Variants in CENPK observed in about 807,000 individuals in gnomAD.
CENPK encodes centromere protein K, also known as SoxLZ/Sox6-binding protein Solt.
CENPK carries 46 observed loss-of-function variants against 40.9 expected under a neutral mutation model. The ratio of observed to expected loss-of-function variants is 1.13; its 90% CI spans 0.89 to 1.44. The LOEUF (loss-of-function observed/expected upper bound fraction) is 1.44. Ranked by LOEUF, CENPK falls within the 40% of genes most tolerant of loss-of-function variation. CENPK has a pLI of 0.00. For synonymous variants in CENPK, 107 were observed against 104.4 expected, an observed-to-expected ratio of 1.02 and a Z score of -0.15; for missense variants, 288 against 303.5, an observed-to-expected ratio of 0.95 and a Z score of 0.38.
At chr5:65,561,896 T>G (rs1456928254) in intron 1 of CENPK, among the ~76,000 whole-genome samples, 3 of 152,216 alleles carry the variant, frequency 2.0e-5, no homozygotes, top group Non-Finnish European at 4.4e-5. Flanking sequence ...TGTGTGCCAT[T>G]GGTCAGACAC....
intron 9 of CENPK, 49 bp from the exon 10 acceptor site, chr5:65,521,577 A>G: frequency 8.4e-7 from 1 of 1,196,362 alleles, no homozygotes; most frequent in Non-Finnish European, 1.2e-6. Flanking sequence ...ACTTCTGCCA[A>G]TGGTGAAATA....
chr5:65,529,451 G>A, intron 6 of CENPK: 1 of 351,146 alleles, frequency 2.8e-6, no homozygotes, highest in Non-Finnish European at 5.1e-6. Flanking sequence ...GCAAAATAAT[G>A]GTGTGTTTTC....
At chr5:65,506,889 G>A in the CENPK span, among the ~76,000 whole-genome samples, 6 of 151,986 alleles carry the variant, frequency 3.9e-5, no homozygotes, top group Non-Finnish European at 5.9e-5. Flanking sequence ...ATTTTATCAA[G>A]ACTAAATAAA....
chr5:65,496,678 T>C, the CENPK span, among the ~76,000 whole-genome samples: 1 of 152,172 alleles, frequency 6.6e-6, no homozygotes, highest in African/African-American at 2.4e-5. Flanking sequence ...TGGTTATCTC[T>C]GGGTGGTGGG....
Position 65,521,514 on chromosome 5 carries a change from T to C in CENPK, c.612A>G (p.Glu204=). 1 of 1,606,278 alleles carries C rather than the reference T, an allele frequency of 6.2e-7. No homozygotes were observed. The highest frequency in any genetic ancestry group is 8.5e-7 in the Non-Finnish European group (1 of 1,174,168). Residue 204 remains glutamate, a synonymous_variant, in exon 10 of 11, where the codon GAA becomes GAG. Coordinates refer to ENST00000396679, the MANE Select transcript of CENPK (RefSeq NM_022145.5). ...SVKKKKKNIQ[E]SSVNLITLHE... ...GCAGTGTTATCAGGTTTACAGATGATTCTTGAATGTTTTTCTTCAAGAGAA... is the reference window on the plus strand; with the variant it reads ...GCAGTGTTATCAGGTTTACAGATGACTCTTGAATGTTTTTCTTCAAGAGAA...
intron 5 of CENPK, chr5:65,551,175 G>C (rs71594468): frequency 2.4e-6 from 1 of 410,734 alleles, no homozygotes; most frequent in East Asian, 9.9e-5. Context: ...ACTTGAACCC[G>C]GGAGATCGGG....
chr5:65,505,155 C>T, the CENPK span, among the ~76,000 whole-genome samples: 1 of 151,940 alleles, frequency 6.6e-6, no homozygotes, highest in East Asian at 1.9e-4. Context: ...CAGGCTACAA[C>T]ATTTATTTTG....
At chr5:65,555,452 G>C (rs1335463681) in intron 2 of CENPK, among the ~76,000 whole-genome samples, 1 of 152,200 alleles carries the variant, frequency 6.6e-6, no homozygotes, top group African/African-American at 2.4e-5. Context: ...GAGACAATAG[G>C]GATGAGATCA....
chr5:65,507,029 A>G, the CENPK span, among the ~76,000 whole-genome samples: 2 of 152,212 alleles, frequency 1.3e-5, no homozygotes, highest in Non-Finnish European at 2.9e-5. Flanking sequence ...CATGTTCCCA[A>G]GTAGGAAATC....
chr5:65,509,649 T>C, the CENPK span, among the ~76,000 whole-genome samples: 125 of 152,338 alleles, frequency 8.2e-4, no homozygotes, highest in Non-Finnish European at 1.1e-3. Flanking sequence ...TTTGGGTCAA[T>C]ACCTAGGAGT....
chr5:65,549,623 C>T (rs906576888), intron 5 of CENPK, among the ~76,000 whole-genome samples: 3 of 152,214 alleles, frequency 2.0e-5, no homozygotes, highest in African/African-American at 4.8e-5. Flanking sequence ...GTACTTGCTG[C>T]TTCCCCTTGC....
At chr5:65,516,273 C>T (rs1742849748), downstream of CENPK, among the ~76,000 whole-genome samples, 1 of 152,182 alleles carries the variant, frequency 6.6e-6, no homozygotes, top group Admixed American at 6.5e-5. Context: ...TGTATTTAGA[C>T]AACTCACATT....
Position 65,542,859 on chromosome 5 carries a change from A to G in CENPK, c.242-11T>C, listed in dbSNP as rs1247593954. 4.4e-6 allele frequency: 7 copies of G among 1,603,072 alleles called. No individual in the cohort carries two copies. Among genetic ancestry groups the G allele is most frequent in the Non-Finnish European group, 6.0e-6 (7 of 1,175,580 alleles). ...CAGTCAAGGGAATTGCTACAAAAACAAAACAAAACAAAGTTACACATATAT... is the reference window on the plus strand; with the variant it reads ...CAGTCAAGGGAATTGCTACAAAAACGAAACAAAACAAAGTTACACATATAT... On this transcript the variant is annotated splice_polypyrimidine_tract_variant and intron_variant, in intron 5 of 10. Coordinates refer to ENST00000396679, the MANE Select transcript of CENPK (RefSeq NM_022145.5).
At chr5:65,562,238 C>T (rs142421174) in intron 1 of CENPK, among the ~76,000 whole-genome samples, 45 of 152,190 alleles carry the variant, frequency 3.0e-4, no homozygotes, top group African/African-American at 1.1e-3. Context: ...AAGGCTAAAT[C>T]GCTGTGGAGA....
the CENPK span, among the ~76,000 whole-genome samples, chr5:65,507,526 T>A: frequency 9.2e-5 from 14 of 152,312 alleles, no homozygotes; most frequent in East Asian, 2.5e-3. Context: ...TAGAAAAGTG[T>A]TATGTTTAAG....
intron 1 of CENPK, among the ~76,000 whole-genome samples, chr5:65,562,370 G>C (rs539531439): frequency 1.3e-5 from 2 of 152,276 alleles, no homozygotes; most frequent in South Asian, 4.1e-4. Context: ...TTGCTAGGTA[G>C]AATGGTCAAA....
intron 6 of CENPK, among the ~76,000 whole-genome samples, chr5:65,531,949 A>C (rs1277541672): frequency 6.6e-6 from 1 of 152,214 alleles, no homozygotes; most frequent in Non-Finnish European, 1.5e-5. Context: ...CAAAATAAAA[A>C]AATAAAAATA....
chr5:65,526,571 T>C (rs1744748329), intron 9 of CENPK, among the ~76,000 whole-genome samples: 2 of 152,072 alleles, frequency 1.3e-5, no homozygotes, highest in South Asian at 4.1e-4. Context: ...GATACAAAGA[T>C]GAATTAAACA....
chr5:65,508,713 G>C, the CENPK span, among the ~76,000 whole-genome samples: 6 of 149,718 alleles, frequency 4.0e-5, no homozygotes, highest in Non-Finnish European at 8.9e-5. Context: ...TTGAACCTGA[G>C]AGGCAGAGGT....
Sources: gnomAD v4.1 joint callset for allele counts (sites outside exome capture counted in the v4.1 genomes callset) on GRCh38, gnomAD v4.1.1 for gene constraint, MANE v1.5 for transcripts, NCBI Gene and HGNC (gene_info 2026-07-23, HGNC 2026-07-21) for gene names.